EBF1: variants seen among roughly 807,000 people sequenced by gnomAD.
The protein encoded by EBF1 is EBF transcription factor 1.
EBF1 carries 10 observed loss-of-function variants against 68.4 expected under a neutral mutation model. The ratio of observed to expected loss-of-function variants is 0.15; its 90% confidence interval spans 0.09 to 0.25. EBF1 has a LOEUF of 0.25. Among genes scored for constraint, EBF1 ranks in the 10% least tolerant of loss-of-function variants. EBF1 has a pLI of 1.00. For synonymous variants in EBF1, 298 were observed against 299.8 expected, an observed-to-expected ratio of 0.99 and a Z score of 0.06; for missense variants, 509 against 794.4, an observed-to-expected ratio of 0.64 and a Z score of 4.32.
intron 5 of EBF1, among the ~76,000 whole-genome samples, chr5:159,083,433 T>A (rs1454325764): frequency 6.6e-6 from 1 of 152,176 alleles, no homozygotes; most frequent in Non-Finnish European, 1.5e-5. Context: ...AACAACCTAT[T>A]TTCATAATAG....
At chr5:158,819,002 C>T (rs1173286264) in intron 8 of EBF1, among the ~76,000 whole-genome samples, 1 of 151,784 alleles carries the variant, frequency 6.6e-6, no homozygotes, top group South Asian at 2.1e-4. Context: ...GAAATGGCTC[C>T]TACTGGTGGG....
chr5:158,717,442 TA>T (rs1368762663), intron 11 of EBF1, among the ~76,000 whole-genome samples: 1 of 152,186 alleles, frequency 6.6e-6, no homozygotes, highest in Non-Finnish European at 1.5e-5. Flanking sequence ...TCTTTCATTT[TA>T]ATATGCAATT....
At chr5:158,753,383 A>G (rs1033555301) in intron 10 of EBF1, among the ~76,000 whole-genome samples, 1 of 152,168 alleles carries the variant, frequency 6.6e-6, no homozygotes, top group African/African-American at 2.4e-5. Flanking sequence ...TAGAAACACA[A>G]CAAAACACAA....
intron 10 of EBF1, among the ~76,000 whole-genome samples, chr5:158,747,239 C>T (rs904518112): frequency 2.6e-5 from 4 of 152,166 alleles, no homozygotes; most frequent in Admixed American, 6.5e-5. Context: ...GTCATTCCTC[C>T]ATGTAAGCCT....
At chr5:158,761,464 G>A (rs995747964) in intron 10 of EBF1, among the ~76,000 whole-genome samples, 2 of 152,180 alleles carry the variant, frequency 1.3e-5, no homozygotes, top group Admixed American at 1.3e-4. Context: ...GTGTTATTTG[G>A]CAGAGAATGC....
chr5:158,925,367 G>A (rs79025192), intron 6 of EBF1, among the ~76,000 whole-genome samples: 2 of 152,150 alleles, frequency 1.3e-5, no homozygotes, highest in Non-Finnish European at 2.9e-5. Context: ...AACACAGAGT[G>A]AATATACAAT....
chr5:158,994,784 C>G (rs946140823), intron 6 of EBF1, among the ~76,000 whole-genome samples: 2 of 152,198 alleles, frequency 1.3e-5, no homozygotes, highest in South Asian at 2.1e-4. Context: ...CAGTTTTGCT[C>G]AAACTAATAT....
chr5:159,014,480 C>A (rs919603106), intron 6 of EBF1, among the ~76,000 whole-genome samples: 8 of 152,150 alleles, frequency 5.3e-5, no homozygotes, highest in Non-Finnish European at 8.8e-5. Flanking sequence ...TATCCTAACT[C>A]CAGGAGTGTT....
intron 6 of EBF1, among the ~76,000 whole-genome samples, chr5:158,911,935 A>T (rs918254303): frequency 2.0e-5 from 3 of 152,260 alleles, no homozygotes; most frequent in Non-Finnish European, 4.4e-5. Flanking sequence ...AAATACAGCC[A>T]TACCTGATCT....
chr5:158,915,222 T>C (rs1388465063), intron 6 of EBF1, among the ~76,000 whole-genome samples: 2 of 152,192 alleles, frequency 1.3e-5, no homozygotes, highest in African/African-American at 4.8e-5. Flanking sequence ...CGGAGGGCGA[T>C]GGGCAGCCAC....
At chr5:158,946,882 G>A (rs888721722) in intron 6 of EBF1, among the ~76,000 whole-genome samples, 14 of 152,228 alleles carry the variant, frequency 9.2e-5, no homozygotes, top group African/African-American at 3.1e-4. Context: ...GAGGTGCCCT[G>A]CCCAGAGAGG....
At chr5:158,887,527 A>C (rs1165009892) in intron 6 of EBF1, among the ~76,000 whole-genome samples, 1 of 152,214 alleles carries the variant, frequency 6.6e-6, no homozygotes, top group Non-Finnish European at 1.5e-5. Flanking sequence ...TCTCAGAAGC[A>C]GTTTTAACTA....
At chr5:158,963,964 A>G (rs1359489495) in intron 6 of EBF1, among the ~76,000 whole-genome samples, 1 of 152,202 alleles carries the variant, frequency 6.6e-6, no homozygotes, top group Non-Finnish European at 1.5e-5. Context: ...GTTACATGGT[A>G]AACTGTTACC....
chr5:158,976,411 T>A (rs987371644), intron 6 of EBF1, among the ~76,000 whole-genome samples: 2 of 151,718 alleles, frequency 1.3e-5, no homozygotes, highest in African/African-American at 4.8e-5. Context: ...TCACTAGGAA[T>A]GTAAAATACA....
chr5:159,086,132 TA>T (rs1415235689), intron 4 of EBF1, among the ~76,000 whole-genome samples: 1 of 152,138 alleles, frequency 6.6e-6, no homozygotes, highest in African/African-American at 2.4e-5. Context: ...CAAGAATATG[TA>T]AAAAATTCCA....
At chr5:158,868,011 G>A (rs979559460) in intron 6 of EBF1, among the ~76,000 whole-genome samples, 2 of 151,800 alleles carry the variant, frequency 1.3e-5, no homozygotes, top group Non-Finnish European at 2.9e-5. Flanking sequence ...TCTAAAGACT[G>A]TATATCTACA....
intron 6 of EBF1, among the ~76,000 whole-genome samples, chr5:158,952,736 AT>A (rs533522266): frequency 3.9e-5 from 6 of 152,156 alleles, no homozygotes; most frequent in African/African-American, 7.2e-5. Context: ...AGCTGTTTTC[AT>A]TTTTTTTCTT....
chr5:158,709,346 C>T (rs932547572), intron 14 of EBF1, among the ~76,000 whole-genome samples: 10 of 151,224 alleles, frequency 6.6e-5, no homozygotes, highest in African/African-American at 9.8e-5. Flanking sequence ...TTTTTACAAC[C>T]GAGGAAGTGA....
intron 6 of EBF1, among the ~76,000 whole-genome samples, chr5:158,930,916 C>T (rs1810746207): frequency 6.6e-6 from 1 of 151,862 alleles, no homozygotes. Flanking sequence ...TCATATCTTG[C>T]ACAAACTAAA....
Sources: gnomAD v4.1 joint callset for allele counts (sites outside exome capture counted in the v4.1 genomes callset) on GRCh38, gnomAD v4.1.1 for gene constraint, MANE v1.5 for transcripts, NCBI Gene and HGNC (gene_info 2026-07-23, HGNC 2026-07-21) for gene names.